Variants in GPR137B observed in about 807,000 individuals in gnomAD.
GPR137B encodes integral membrane protein GPR137B.
A neutral mutation model predicts 42.5 loss-of-function variants in GPR137B; 42 were observed. The ratio of observed to expected loss-of-function variants is 0.99; its 90% CI spans 0.77 to 1.28. The LOEUF (loss-of-function observed/expected upper bound fraction) is 1.28. Among genes scored for constraint, GPR137B ranks in the 50% most tolerant of loss-of-function variants. GPR137B has a pLI of 0.00. For missense variants in GPR137B, 487 were observed against 493.9 expected, an observed-to-expected ratio of 0.99 and a Z score of 0.13; for synonymous variants, 218 against 209.7, an observed-to-expected ratio of 1.04 and a Z score of -0.34.
chr1:236,155,275 A>T lies in GPR137B; in HGVS notation c.414+12239A>T, dbSNP rs1661990491. ...TGTCCCTGGGAAGGAACTTCAAGTC[A>T]TGGAGCTGTCAAAGTAGAAGCAGCT... is the stretch of plus-strand genomic sequence containing the variant. On this transcript the variant is annotated intron_variant, in intron 1 of 6. Transcript: ENST00000366592. This position sits in a 1 kb window ranked among gnomAD's most constrained non-coding sequence, Gnocchi z 4.6. Among the ~76,000 whole-genome samples, 1 of 152,208 alleles carries T rather than the reference A, an allele frequency of 6.6e-6. No homozygotes were observed. Among genetic ancestry groups the T allele is most frequent in the African/African-American group, 2.4e-5 (1 of 41,462 alleles).
chr1:236,178,268 A>C (rs1662747540), intron 2 of GPR137B, 146 bp from the exon 3 acceptor site: 4 of 615,982 alleles, frequency 6.5e-6, no homozygotes, highest in Non-Finnish European at 8.8e-6. Flanking sequence ...TTGTAATTTG[A>C]ATCTGGGAAC....
Position 236,176,238 on chromosome 1 carries a change from C to T in GPR137B, c.465-2176C>T, listed in dbSNP as rs890010268. On this transcript the variant is annotated intron_variant, in intron 2 of 6. Transcript: ENST00000366592. ...GAATCTGTCCATGGCAAATCATTAA[C>T]GTTTCTGTTTGAAAAGCTCTGAGTG... Among the ~76,000 whole-genome samples, 3 of 152,246 alleles carry T rather than the reference C, an allele frequency of 2.0e-5. 1 individual carries two copies. The highest frequency in any genetic ancestry group is 6.8e-3 in the Middle Eastern group (2 of 294).
chr1:236,158,583 A>C (rs1436361391), intron 1 of GPR137B, among the ~76,000 whole-genome samples: 1 of 152,232 alleles, frequency 6.6e-6, no homozygotes. Flanking sequence ...TTTTCAGATG[A>C]ATTTGCATAC....
intron 1 of GPR137B, among the ~76,000 whole-genome samples, chr1:236,163,563 A>G (rs1023965727): frequency 6.6e-6 from 1 of 152,154 alleles, no homozygotes; most frequent in African/African-American, 2.4e-5. Flanking sequence ...CCTGGGAGGA[A>G]GTAATTGAAT....
In GPR137B at chr1:236,142,823, G is replaced by C; in HGVS notation, c.201G>C (p.Val67=). ...TCATCTACGTGCAGCTCTGGCTGGTGCTGCGTTACCGCCACAAGCGGCTCA... is the reference window on the plus strand; with the variant it reads ...TCATCTACGTGCAGCTCTGGCTGGTCCTGCGTTACCGCCACAAGCGGCTCA... The part of the protein sequence containing the change: ...FVFIYVQLWL[V]LRYRHKRLSY... Residue 67 remains valine (V), a synonymous_variant, in exon 1 of 7, where the codon GTG becomes GTC. Coordinates refer to ENST00000366592, the MANE Select transcript of GPR137B (RefSeq NM_003272.4). 1 of 1,614,006 alleles carries C rather than the reference G, an allele frequency of 6.2e-7. No homozygotes were observed. Among genetic ancestry groups the C allele is most frequent in the Non-Finnish European group, 8.5e-7 (1 of 1,179,904 alleles).
In GPR137B at chr1:236,147,285, G is replaced by C. The variant is rs79811757; in HGVS notation, c.414+4249G>C. 0.014 allele frequency among the ~76,000 whole-genome samples: 2,186 copies of C among 152,304 alleles called. 152 individuals are homozygous for C. In the East Asian group the frequency reaches 0.23, roughly 16 times the overall value. On this transcript the variant is annotated intron_variant, in intron 1 of 6. Transcript: ENST00000366592. ...GGCACACTCTCTCGTGACTGCCAGCGTGTCGGCCTCTGGTCTTGCTCTGGC... is the reference window on the plus strand; with the variant it reads ...GGCACACTCTCTCGTGACTGCCAGCCTGTCGGCCTCTGGTCTTGCTCTGGC...
chr1:236,149,682 GAAGT>G (rs1250415591), intron 1 of GPR137B, among the ~76,000 whole-genome samples: 2 of 152,252 alleles, frequency 1.3e-5, no homozygotes, highest in Non-Finnish European at 2.9e-5. Flanking sequence ...TGATTGTAAA[GAAGT>G]AAGAGGCTTA....
chr1:236,195,223 CT>C (rs57688252), intron 5 of GPR137B, among the ~76,000 whole-genome samples: 26,160 of 143,826 alleles, frequency 0.18, 2,540 homozygotes, highest in African/African-American at 0.25. Flanking sequence ...CACTAAAATT[CT>C]TTTTTTTTTT....
rs78777484 is a variant in GPR137B at position 236,170,465 on chromosome 1, T to C, written c.464+1710T>C. 2.8e-4 allele frequency among the ~76,000 whole-genome samples: 43 copies of C among 152,122 alleles called. No individual in the cohort carries two copies. In the East Asian group the frequency reaches 5.8e-3, roughly 21 times the overall value. ...AGTCCCAAGACTCACCGTCCCGGGT[T>C]TTGTTTTGTTTTTCACCTGATCTTG... is the stretch of plus-strand genomic sequence containing the variant. On this transcript the variant is annotated intron_variant, in intron 2 of 6. Transcript: ENST00000366592.
intron 5 of GPR137B, among the ~76,000 whole-genome samples, chr1:236,188,867 G>T (rs1373700812): frequency 2.6e-5 from 4 of 152,074 alleles, no homozygotes; most frequent in Non-Finnish European, 5.9e-5. Context: ...CTCTTTTTCT[G>T]TTGTTTAGAG....
intron 5 of GPR137B, among the ~76,000 whole-genome samples, chr1:236,196,629 G>A (rs893225266): frequency 6.6e-6 from 1 of 151,880 alleles, no homozygotes; most frequent in Non-Finnish European, 1.5e-5. Context: ...CTTCCCCCAG[G>A]TCCCCAATTC....
At chr1:236,151,175 TACAGA>T (rs1203212796) in intron 1 of GPR137B, among the ~76,000 whole-genome samples, 1 of 152,078 alleles carries the variant, frequency 6.6e-6, no homozygotes, top group African/African-American at 2.4e-5. Context: ...GTTCTCTCAG[TACAGA>T]AATAGCCCCA....
intron 5 of GPR137B, among the ~76,000 whole-genome samples, chr1:236,198,928 T>C (rs1483151634): frequency 6.6e-6 from 1 of 152,222 alleles, no homozygotes; most frequent in African/African-American, 2.4e-5. Flanking sequence ...GGACTTCCAG[T>C]ACTATGTTGA....
chr1:236,169,355 G>C (rs1662466935), intron 2 of GPR137B, among the ~76,000 whole-genome samples: 1 of 152,240 alleles, frequency 6.6e-6, no homozygotes, highest in Admixed American at 6.5e-5. Flanking sequence ...CAGAACTTCA[G>C]TGCCCATTGA....
intron 5 of GPR137B, among the ~76,000 whole-genome samples, chr1:236,197,582 C>A (rs1663375862): frequency 6.6e-6 from 1 of 152,164 alleles, no homozygotes; most frequent in South Asian, 2.1e-4. Context: ...AGATGAGGAT[C>A]CAGCTTCATT....
rs145245681 is a variant in GPR137B, at chr1:236,201,322, G to T, written c.967-3804G>T. On this transcript the variant is annotated intron_variant, in intron 5 of 6. Coordinates refer to ENST00000366592, the MANE Select transcript of GPR137B (RefSeq NM_003272.4). The stretch of plus-strand genomic sequence containing the variant: ...TGAGCTTCTTGTATTTGGATGTCTA[G>T]ATCTCTAGTGAGGCCAGGGAAGTTT... 3.9e-5 allele frequency among the ~76,000 whole-genome samples: 6 copies of T among 152,124 alleles called. No homozygotes were observed. The East Asian group carries it at 1.2e-3, about 29-fold the overall frequency.
chr1:236,154,116 A>G (rs1254264642), intron 1 of GPR137B, among the ~76,000 whole-genome samples: 6 of 152,160 alleles, frequency 3.9e-5, no homozygotes, highest in Non-Finnish European at 7.4e-5. Flanking sequence ...TTCTGGGGCA[A>G]CCAAGTTGGG....
At chr1:236,207,298 C>T (rs1451825496) in intron 6 of GPR137B, 6 of 984,708 alleles carry the variant, frequency 6.1e-6, no homozygotes, top group Non-Finnish European at 6.0e-6. Flanking sequence ...GGAAGCAAGC[C>T]AACAAACAAG....
At chr1:236,144,328 G>A (rs1364647413) in intron 1 of GPR137B, among the ~76,000 whole-genome samples, 5 of 151,952 alleles carry the variant, frequency 3.3e-5, no homozygotes, top group Non-Finnish European at 7.4e-5. Context: ...GGTGGGAGGC[G>A]GAGCCCGGGA....
Sources: allele counts gnomAD v4.1 joint callset (sites outside exome capture counted in the v4.1 genomes callset), GRCh38; gene constraint gnomAD v4.1.1; non-coding constraint Gnocchi (gnomAD v3.1); transcripts MANE v1.5; gene names NCBI Gene and HGNC (gene_info 2026-07-23, HGNC 2026-07-21).